The following DNAH5 variants were observed in gnomAD, a reference collection of about 807,000 sequenced individuals.
The protein encoded by DNAH5 is dynein axonemal heavy chain 5.
A neutral mutation model predicts 518.2 loss-of-function variants in DNAH5; 372 were observed. That is an observed-to-expected ratio of 0.72 (90% CI 0.66 to 0.78). The LOEUF (loss-of-function observed/expected upper bound fraction) is 0.78, where lower values mean the gene tolerates loss of function less well. Among genes scored for constraint, DNAH5 ranks in the 30% least tolerant of loss-of-function variants. DNAH5 has a pLI of 0.00. For synonymous variants in DNAH5, 2,039 were observed against 2,025.9 expected (o/e 1.01, Z -0.17); for missense variants, 5,523 against 5,687.0 (o/e 0.97, Z 0.93).
At chr5:13,803,618 C>T (rs904839170) in intron 47 of DNAH5, among the ~76,000 whole-genome samples, 15 of 152,188 alleles carry the variant, frequency 9.9e-5, no homozygotes, top group Non-Finnish European at 1.8e-4. Context: ...AACCGTAAAA[C>T]CTGACATTTT....
chr5:13,921,426 C>G (rs1442734760), intron 5 of DNAH5, among the ~76,000 whole-genome samples: 1 of 105,038 alleles, frequency 9.5e-6, no homozygotes. Flanking sequence ...CTCTCTCTCC[C>G]TCTCTCTCTG....
At position 13,865,871 on chromosome 5, in the gene DNAH5, T is replaced by G. The variant is rs7703349; in HGVS notation, c.4152A>C (p.Thr1384=). 1 of 1,610,162 alleles carries G rather than the reference T, an allele frequency of 6.2e-7. No individual in the cohort carries two copies. Among genetic ancestry groups the G allele is most frequent in the South Asian group, 1.1e-5 (1 of 90,928 alleles). Residue 1384 remains threonine (T), a synonymous_variant, in exon 27 of 79, where the codon ACA becomes ACC. Transcript: ENST00000265104. ...QFDNIYRKYI[T]YTGGEELFGL... ...CAAAAAGCTCCTCTCCTCCAGTATA[T>G]GTGATGTATTTCCGATAGATATTAT...
chr5:13,711,356 A>C (rs962638763), intron 75 of DNAH5, among the ~76,000 whole-genome samples: 1 of 152,190 alleles, frequency 6.6e-6, no homozygotes, highest in Non-Finnish European at 1.5e-5. Flanking sequence ...TCGGCATACA[A>C]GGGATATACC....
In DNAH5 at chr5:13,922,241, G is replaced by A; in HGVS notation, c.526C>T (p.Leu176Phe). 1 of 1,613,956 alleles carries A rather than the reference G, an allele frequency of 6.2e-7. No homozygotes were observed. The highest frequency in any genetic ancestry group is 8.5e-7 in the Non-Finnish European group (1 of 1,179,970). Residue 176 changes from leucine to phenylalanine, a missense_variant, in exon 5 of 79, where the codon CTC becomes TTC. Physicochemically the swap from Leu to Phe is conservative, Grantham distance 22. This residue lies in a region of DNAH5 where 5,121 missense variants were observed against 5,223.3 expected (regional missense o/e 0.98). Coordinates refer to ENST00000265104, the MANE Select transcript of DNAH5 (RefSeq NM_001369.3). ...RLLSDIFIPA[L>F]RATSHGWGEL... ...CCCCAGCCATGGCTCGTGGCTCTGAGAGCAGGAATGAAGATGTCCGACAGC... is the reference window on the plus strand; with the variant it reads ...CCCCAGCCATGGCTCGTGGCTCTGAAAGCAGGAATGAAGATGTCCGACAGC...
intron 1 of DNAH5, among the ~76,000 whole-genome samples, chr5:13,979,993 C>T (rs1782561268): frequency 1.3e-5 from 2 of 152,046 alleles, no homozygotes; most frequent in Admixed American, 1.3e-4. Flanking sequence ...GCATCCACCA[C>T]CACACCTGGC....
In DNAH5 at chr5:13,866,220, C is replaced by G. The variant is rs139463637; in HGVS notation, c.4116G>C (p.Gln1372His). 1.9e-5 allele frequency: 31 copies of G among 1,613,122 alleles called. No individual in the cohort carries two copies. Among genetic ancestry groups the G allele is most frequent in the African/African-American group, 2.7e-5 (2 of 74,868 alleles). Residue 1372 changes from glutamine (Q) to histidine (H), a missense_variant and splice_region_variant, in exon 26 of 79, where the codon CAG becomes CAC. By Grantham distance (24) the Gln-to-His change is conservative (BLOSUM62 0). Transcript: ENST00000265104. ...AAGTCATAGAAACTAAAAAGATTAC[C>G]TGAAACATGATAAGCCTGTCACTGG... ...QEASDRLIMF[Q>H]NQFDNIYRKY...
At chr5:13,775,067 T>C (rs953376354) in intron 55 of DNAH5, among the ~76,000 whole-genome samples, 4 of 152,010 alleles carry the variant, frequency 2.6e-5, no homozygotes, top group Admixed American at 2.0e-4. Context: ...TAAGGTCTTT[T>C]GTTCTTTTTA....
chr5:13,965,651 A>G (rs565463769), intron 1 of DNAH5, among the ~76,000 whole-genome samples: 2 of 152,314 alleles, frequency 1.3e-5, no homozygotes, highest in South Asian at 4.1e-4. Context: ...TCTCTTTAAT[A>G]TCAGTTACAT....
intron 22 of DNAH5, among the ~76,000 whole-genome samples, chr5:13,876,352 T>C (rs1485736465): frequency 6.6e-6 from 1 of 152,248 alleles, no homozygotes; most frequent in Non-Finnish European, 1.5e-5. Context: ...TATGTTAGTA[T>C]CACTGGTTCT....
rs376378323 is a variant in DNAH5 at position 13,976,923 on chromosome 5, T to C, written c.12+34725A>G. Among the ~76,000 whole-genome samples the C allele has an allele frequency of 9.2e-5, 14 of 152,208 alleles. No homozygotes were observed. The East Asian group carries it at 2.3e-3, about 25-fold the overall frequency. On this transcript the variant is annotated intron_variant, in intron 1 of 78. Coordinates refer to the DNAH5 transcript ENST00000681290. ...AAGTGTCACATAAAATATATTGGTC[T>C]GGTTATATAAAACTTCCAGGTATTT...
rs113637075 is a variant in DNAH5, at chr5:13,873,890, A to G, written c.3397-2125T>C. The stretch of plus-strand genomic sequence containing the variant: ...GATTTCAGAGTTACATCTGCATGAA[A>G]AACAAATTTAGCTGATAAAGAATAA... On this transcript the variant is annotated intron_variant, in intron 22 of 78. Transcript: ENST00000265104. Among the ~76,000 whole-genome samples the G allele has an allele frequency of 3.4e-3, 523 of 152,298 alleles. 4 individuals carry two copies. Among genetic ancestry groups the G allele is most frequent in the African/African-American group, 0.012 (502 of 41,556 alleles).
intron 38 of DNAH5, among the ~76,000 whole-genome samples, chr5:13,825,861 T>C (rs1762827041): frequency 6.6e-6 from 1 of 152,218 alleles, no homozygotes; most frequent in Admixed American, 6.5e-5. Flanking sequence ...TAATTTTATA[T>C]GCTTTTACCA....
At chr5:13,839,298 C>T (rs911656256) in intron 35 of DNAH5, 58 bp downstream of exon 35, 36 of 1,546,750 alleles carry the variant, frequency 2.3e-5, no homozygotes, top group Non-Finnish European at 3.2e-5. Context: ...AAGCAAAAAT[C>T]CCCTGAGCAA....
At chr5:13,864,222 G>C (rs1308428747) in intron 28 of DNAH5, among the ~76,000 whole-genome samples, 175 bp downstream of exon 28, 1 of 152,220 alleles carries the variant, frequency 6.6e-6, no homozygotes, top group African/African-American at 2.4e-5. Context: ...TCCTGATGCA[G>C]AATCTGTCCC....
At chr5:13,988,932 T>C (rs1027579359) in intron 1 of DNAH5, among the ~76,000 whole-genome samples, 8 of 151,062 alleles carry the variant, frequency 5.3e-5, no homozygotes, top group Non-Finnish European at 1.0e-4. Context: ...TTCACCATGT[T>C]GGCCAGGCCT....
At chr5:13,863,570 C>T (rs1012001840) in intron 28 of DNAH5, among the ~76,000 whole-genome samples, 11 of 152,028 alleles carry the variant, frequency 7.2e-5, no homozygotes, top group African/African-American at 2.2e-4. Flanking sequence ...CCTTCATCAC[C>T]GAATTCTCCT....
chr5:13,888,732 T>C (rs1238180935), intron 17 of DNAH5, among the ~76,000 whole-genome samples: 1 of 152,236 alleles, frequency 6.6e-6, no homozygotes. Context: ...AATATCCTTT[T>C]GAAAAGCAAT....
chr5:13,817,664 A>G lies in DNAH5; in HGVS notation c.6872T>C (p.Met2291Thr). 1.2e-6 allele frequency: 2 copies of G among 1,614,194 alleles called. No homozygotes were observed. Among genetic ancestry groups the G allele is most frequent in the Non-Finnish European group, 1.7e-6 (2 of 1,180,030 alleles). Reference sequence around the variant, plus strand: ...TGGGGCAGTAATCGCTTTGGGATTCATCCTCATTTCCCGATGTGGTTTTCC... The same window carrying G: ...TGGGGCAGTAATCGCTTTGGGATTCGTCCTCATTTCCCGATGTGGTTTTCC... ...DCGKPHREMR[M>T]NPKAITAPQM... The change falls in exon 42 of 79, where the codon ATG becomes ACG. Residue 2291 changes from methionine (M) to threonine (T), a missense_variant. This residue lies in a region of DNAH5 where 5,121 missense variants were observed against 5,223.3 expected (regional missense o/e 0.98). Coordinates refer to ENST00000265104, the MANE Select transcript of DNAH5 (RefSeq NM_001369.3).
chr5:14,005,571 C>A (rs1027088836), intron 1 of DNAH5, among the ~76,000 whole-genome samples: 1 of 152,246 alleles, frequency 6.6e-6, no homozygotes, highest in African/African-American at 2.4e-5. Context: ...CTTGCATCAG[C>A]TGATGAGAAA....
Sources: allele counts gnomAD v4.1 joint callset (sites outside exome capture counted in the v4.1 genomes callset), GRCh38; gene constraint gnomAD v4.1.1; regional missense constraint gnomAD v4.1.1; transcripts MANE v1.5; gene names NCBI Gene and HGNC (gene_info 2026-07-23, HGNC 2026-07-21).